The following RBPMS variants were observed in gnomAD, a reference collection of about 807,000 sequenced individuals.
RBPMS encodes the protein RNA-binding protein with multiple splicing.
A neutral mutation model predicts 26.8 loss-of-function variants in RBPMS; 7 were observed. The ratio of observed to expected loss-of-function variants is 0.26; its 90% CI spans 0.15 to 0.49. The LOEUF is 0.49. Ranked by LOEUF, RBPMS falls within the 20% of genes least tolerant of loss-of-function variation. The pLI, the probability that RBPMS is intolerant of heterozygous loss-of-function variation, is 0.98. For synonymous variants in RBPMS, 96 were observed against 93.3 expected (o/e 1.03, Z -0.17); for missense variants, 186 against 250.0 (o/e 0.74, Z 1.73).
intron 5 of RBPMS, among the ~76,000 whole-genome samples, chr8:30,541,604 G>A (rs1825396495): frequency 6.6e-6 from 1 of 152,134 alleles, no homozygotes; most frequent in Non-Finnish European, 1.5e-5. Flanking sequence ...CTCACTCTGG[G>A]TGGTCAAGAG....
intron 4 of RBPMS, among the ~76,000 whole-genome samples, chr8:30,494,251 A>T (rs867801690): frequency 1.3e-5 from 2 of 152,212 alleles, no homozygotes; most frequent in African/African-American, 4.8e-5. Context: ...CTTTCTCCCA[A>T]TTGGGGCAGT....
intron 5 of RBPMS, among the ~76,000 whole-genome samples, chr8:30,519,756 G>A (rs1279204867): frequency 6.6e-6 from 1 of 152,068 alleles, no homozygotes; most frequent in Non-Finnish European, 1.5e-5. Flanking sequence ...GCCTCCCAAA[G>A]TGCTGGGATT....
In RBPMS at chr8:30,477,345, A is replaced by G. The variant is rs147804288; in HGVS notation, c.145-454A>G. On this transcript the variant is annotated intron_variant, in intron 2 of 8. Coordinates refer to ENST00000397323, the MANE Select transcript of RBPMS (RefSeq NM_001008710.3). Reference sequence around the variant, plus strand: ...ATTACAGGCGTGAGTCACCGCACCCAGCCCCAACTATATTCTTAATGTTTT... The same window carrying G: ...ATTACAGGCGTGAGTCACCGCACCCGGCCCCAACTATATTCTTAATGTTTT... Among the ~76,000 whole-genome samples, 236 of 152,310 alleles carry G rather than the reference A, an allele frequency of 1.5e-3. 1 individual carries two copies. The highest frequency in any genetic ancestry group is 5.3e-3 in the African/African-American group (220 of 41,578).
intron 5 of RBPMS, among the ~76,000 whole-genome samples, chr8:30,531,719 C>T (rs1355956365): frequency 6.6e-6 from 1 of 152,174 alleles, no homozygotes. Context: ...TGACTATTAA[C>T]CTCCTGCATA....
At chr8:30,492,192 G>A (rs1819473291) in intron 4 of RBPMS, among the ~76,000 whole-genome samples, 2 of 152,116 alleles carry the variant, frequency 1.3e-5, no homozygotes, top group African/African-American at 4.8e-5. Context: ...GCGCCCAGCC[G>A]ACACACTTGT....
intron 5 of RBPMS, among the ~76,000 whole-genome samples, chr8:30,538,294 G>A (rs1489377433): frequency 3.3e-5 from 5 of 151,486 alleles, no homozygotes; most frequent in Non-Finnish European, 5.9e-5. Context: ...TCGCTCTGTC[G>A]CCCAGGCTGG....
intron 7 of RBPMS, among the ~76,000 whole-genome samples, chr8:30,561,380 G>A (rs1465526563): frequency 1.3e-5 from 2 of 152,180 alleles, no homozygotes; most frequent in Non-Finnish European, 1.5e-5. Flanking sequence ...AACTCCAGAT[G>A]GCACTGAGCG....
At chr8:30,485,661 T>G (rs1818696081) in intron 4 of RBPMS, among the ~76,000 whole-genome samples, 1 of 152,240 alleles carries the variant, frequency 6.6e-6, no homozygotes, top group Non-Finnish European at 1.5e-5. Flanking sequence ...GCATGCACTT[T>G]GGAGCTTGAC....
At chr8:30,391,652 A>C (rs1205398092) in intron 1 of RBPMS, among the ~76,000 whole-genome samples, 1 of 152,172 alleles carries the variant, frequency 6.6e-6, no homozygotes, top group African/African-American at 2.4e-5. Context: ...ATAACTCCTC[A>C]CACTCACATC....
chr8:30,409,305 TGCCTCA>T (rs962751476), intron 1 of RBPMS, among the ~76,000 whole-genome samples: 1 of 152,026 alleles, frequency 6.6e-6, no homozygotes, highest in African/African-American at 2.4e-5. Flanking sequence ...GCAATTCTAC[TGCCTCA>T]GCCTCCCAAG....
At chr8:30,564,039 G>A (rs998170232) in intron 7 of RBPMS, 6 of 152,196 alleles carry the variant, frequency 3.9e-5, no homozygotes, top group Admixed American at 3.9e-4. Context: ...AATAGTTTGG[G>A]TGGTGATAGT....
At chr8:30,562,592 C>A (rs1341802238) in intron 7 of RBPMS, among the ~76,000 whole-genome samples, 1 of 152,144 alleles carries the variant, frequency 6.6e-6, no homozygotes, top group Admixed American at 6.5e-5. Context: ...GGCCCATAAT[C>A]CAAGCTGTGT....
chr8:30,514,680 C>CTTTTTTTTTTTTTTTT lies in RBPMS; in HGVS notation c.397+10252_397+10267dup, dbSNP rs577244764. Among the ~76,000 whole-genome samples, 49 of 82,640 alleles carry CTTTTTTTTTTTTTTTT rather than the reference C, an allele frequency of 5.9e-4. 6 individuals carry two copies. Among genetic ancestry groups the CTTTTTTTTTTTTTTTT allele is most frequent in the African/African-American group, 1.7e-3 (33 of 19,016 alleles). 54.2% of individuals were successfully genotyped at this position (82,640 alleles called of 152,430 possible). ...TACGGGTGCGAGCCACCATGCCGGG[C>CTTTTTTTTTTTTTTTT]TTTTTTTTTTTTTTTTTTTTTTTAA... On this transcript the variant is annotated intron_variant, in intron 5 of 8. Transcript: ENST00000397323.
At chr8:30,514,680 C>CTTTTTTTGTTTTTTTTTT (rs1822106387) in intron 5 of RBPMS, among the ~76,000 whole-genome samples, 1 of 82,650 alleles carries the variant, frequency 1.2e-5, no homozygotes, top group Non-Finnish European at 2.3e-5. Context: ...CCATGCCGGG[C>CTTTTTTTGTTTTTTTTTT]TTTTTTTTTT....
chr8:30,460,734 T>A (rs1815784309), intron 1 of RBPMS, among the ~76,000 whole-genome samples: 1 of 152,212 alleles, frequency 6.6e-6, no homozygotes, highest in Non-Finnish European at 1.5e-5. Context: ...TTTATTTTAT[T>A]GCCTTTTAGA....
intron 6 of RBPMS, among the ~76,000 whole-genome samples, chr8:30,547,736 G>A (rs916633478): frequency 9.2e-5 from 14 of 152,224 alleles, no homozygotes; most frequent in African/African-American, 1.9e-4. Flanking sequence ...GCCACCAAGA[G>A]CTGCATGTTG....
chr8:30,511,479 AAAAAAAAATATATATATAT>A lies in RBPMS; in HGVS notation c.397+7045_397+7063del, dbSNP rs1351953918. Among the ~76,000 whole-genome samples, 57 of 87,086 alleles carry A rather than the reference AAAAAAAAATATATATATAT, an allele frequency of 6.5e-4. 1 individual carries two copies. Among genetic ancestry groups the A allele is most frequent in the Middle Eastern group, 0.011 (2 of 190 alleles). 57.1% of individuals were successfully genotyped at this position (87,086 alleles called of 152,430 possible). A position where few individuals can be genotyped will look rare whatever the true frequency, so the allele number is the denominator to read the frequency against. Reference sequence around the variant, plus strand: ...TCTTTAAAACAAAAAAAGAAAAAAAAAAAAAAAATATATATATATATATATATATATATATATATATATA... The same window carrying A: ...TCTTTAAAACAAAAAAAGAAAAAAAAATATATATATATATATATATATATA... On this transcript the variant is annotated intron_variant, in intron 5 of 8. Coordinates refer to ENST00000397323, the MANE Select transcript of RBPMS (RefSeq NM_001008710.3).
Position 30,443,427 on chromosome 8 carries a change from C to T in RBPMS, c.67-31352C>T, listed in dbSNP as rs546003798. 2.4e-4 allele frequency among the ~76,000 whole-genome samples: 36 copies of T among 152,216 alleles called. No homozygotes were observed. The East Asian group carries it at 6.6e-3, about 28-fold the overall frequency. On this transcript the variant is annotated intron_variant, in intron 1 of 8. Transcript: ENST00000397323. ...CTTGAGTTCAAATCAAGCTCTAACA[C>T]CAGCTGTTTTGATTTTGGACAGGTT... is the stretch of plus-strand genomic sequence containing the variant.
rs559999547 is a variant in RBPMS at position 30,435,071 on chromosome 8, T to G, written c.67-39708T>G. On this transcript the variant is annotated intron_variant, in intron 1 of 8. Transcript: ENST00000397323. Reference sequence around the variant, plus strand: ...CAAATGCTTACAGGTTAAGCATCCCTTATCTGAAAATCTGAAATGCTCCAA... The same window carrying G: ...CAAATGCTTACAGGTTAAGCATCCCGTATCTGAAAATCTGAAATGCTCCAA... 2.0e-5 allele frequency among the ~76,000 whole-genome samples: 3 copies of G among 152,274 alleles called. No homozygotes were observed. In the South Asian group the frequency reaches 6.2e-4, roughly 32 times the overall value.
Sources: allele counts gnomAD v4.1 joint callset (sites outside exome capture counted in the v4.1 genomes callset), GRCh38; gene constraint gnomAD v4.1.1; transcripts MANE v1.5; gene names NCBI Gene and HGNC (gene_info 2026-07-23, HGNC 2026-07-21).